The following TBC1D14 variants were observed in gnomAD, a reference collection of about 807,000 sequenced individuals.
TBC1D14 encodes TBC1 domain family, member 14.
Under a neutral mutation model 79.0 loss-of-function variants are expected in TBC1D14, and 26 were observed. That is an observed-to-expected ratio of 0.33 (90% CI 0.24 to 0.46). The LOEUF is 0.46. TBC1D14 is among the 20% of genes least tolerant of loss of function. The pLI, the probability that TBC1D14 is intolerant of heterozygous loss-of-function variation, is 1.00. For missense variants in TBC1D14, 769 were observed against 887.6 expected (o/e 0.87, Z 1.70); for synonymous variants, 394 against 349.9 (o/e 1.13, Z -1.40).
intron 3 of TBC1D14, among the ~76,000 whole-genome samples, chr4:6,980,960 C>G (rs1282997487): frequency 2.0e-5 from 3 of 151,864 alleles, no homozygotes. Flanking sequence ...TGTGATCCAC[C>G]CGCCTTGGCC....
chr4:7,031,489 C>G lies in TBC1D14; in HGVS notation c.*1097C>G, dbSNP rs1189767476. 1 of 152,260 alleles carries G rather than the reference C, an allele frequency of 6.6e-6. No individual in the cohort carries two copies. Among genetic ancestry groups the G allele is most frequent in the Non-Finnish European group, 1.5e-5 (1 of 68,052 alleles). The allele number at this position is 152,260 out of a possible 1,614,324, so 9.4% of individuals were successfully genotyped here. ...TCAGATGCTCATACTGGACCATCAG[C>G]CTCCCCATTTTAGCTGACTTTCCCA... On this transcript the variant is annotated 3_prime_UTR_variant, in exon 14 of 14. Coordinates refer to ENST00000409757, the MANE Select transcript of TBC1D14 (RefSeq NM_020773.3).
intron 13 of TBC1D14, among the ~76,000 whole-genome samples, chr4:7,028,085 C>T (rs574369956): frequency 1.3e-5 from 2 of 150,504 alleles, no homozygotes; most frequent in Admixed American, 1.3e-4. Context: ...CAGATCACCC[C>T]CCACATACAC....
At position 6,974,878 on chromosome 4, in the gene TBC1D14, TTG is replaced by T. The variant is rs1432968501; in HGVS notation, c.843+7460_843+7461del. On this transcript the variant is annotated intron_variant, in intron 3 of 13. Transcript: ENST00000409757. ...TAGGTTCAGATAGGATCGTCTTTTT[TTG>T]TGTGTCTGTTTTGTTTGTTTGTTTG... 6.6e-5 allele frequency among the ~76,000 whole-genome samples: 10 copies of T among 152,330 alleles called. No homozygotes were observed. The East Asian group carries it at 1.5e-3, about 23-fold the overall frequency.
intron 1 of TBC1D14, among the ~76,000 whole-genome samples, chr4:6,921,518 CTTTATTT>C (rs957533094): frequency 1.7e-4 from 26 of 151,936 alleles, no homozygotes; most frequent in African/African-American, 5.8e-4. Context: ...GGCCAGAGAA[CTTTATTT>C]TTTATTTTTT....
chr4:6,979,779 G>A (rs1394276864), intron 3 of TBC1D14, among the ~76,000 whole-genome samples: 1 of 152,062 alleles, frequency 6.6e-6, no homozygotes. Context: ...TAAAAATTAA[G>A]ATAGGTCTAT....
At chr4:6,916,587 C>G (rs192583149) in intron 1 of TBC1D14, among the ~76,000 whole-genome samples, 1 of 152,202 alleles carries the variant, frequency 6.6e-6, no homozygotes, top group African/African-American at 2.4e-5. Flanking sequence ...AGCCACCCTC[C>G]GCTTTCTGAC....
At chr4:6,930,165 G>A (rs574365186) in intron 2 of TBC1D14, among the ~76,000 whole-genome samples, 2 of 152,332 alleles carry the variant, frequency 1.3e-5, no homozygotes, top group South Asian at 2.1e-4. Context: ...AGCCGGGTCA[G>A]GGTCTAGCTG....
In TBC1D14 at chr4:7,028,056, A is replaced by G. The variant is rs552822057; in HGVS notation, c.2017-2271A>G. The stretch of plus-strand genomic sequence containing the variant: ...CACACATCACACACCTACACATTGC[A>G]TACCCACACACACACCTACAGATCA... On this transcript the variant is annotated intron_variant, in intron 13 of 13. Transcript: ENST00000409757. Among the ~76,000 whole-genome samples, 6 of 141,046 alleles carry G rather than the reference A, an allele frequency of 4.3e-5. No individual in the cohort carries two copies. In the East Asian group the frequency reaches 1.3e-3, roughly 31 times the overall value. The allele number at this position is 141,046 out of a possible 152,430, so 92.5% of individuals were successfully genotyped here. A position where few individuals can be genotyped will look rare whatever the true frequency, so the allele number is the denominator to read the frequency against.
intron 2 of TBC1D14, chr4:6,954,338 G>C (rs924942244): frequency 2.8e-6 from 2 of 717,422 alleles, no homozygotes; most frequent in African/African-American, 1.7e-5. Flanking sequence ...TTCATGGACA[G>C]GTTTGTGGCT....
intron 12 of TBC1D14, among the ~76,000 whole-genome samples, chr4:7,024,272 AG>A (rs1216588835): frequency 2.0e-5 from 3 of 152,194 alleles, no homozygotes; most frequent in Non-Finnish European, 4.4e-5. Context: ...CCTGCAGTTC[AG>A]GGGCTTTGTG....
intron 3 of TBC1D14, among the ~76,000 whole-genome samples, chr4:6,978,133 C>T (rs1484465587): frequency 8.7e-5 from 13 of 150,030 alleles, no homozygotes; most frequent in African/African-American, 1.7e-4. Context: ...GTCAGCCCCC[C>T]GCCCGGCTAG....
At chr4:6,957,947 C>T (rs1560281605) in intron 2 of TBC1D14, among the ~76,000 whole-genome samples, 1 of 147,422 alleles carries the variant, frequency 6.8e-6, no homozygotes. Context: ...GGAGTGCTGG[C>T]TTTTTTTTTT....
intron 2 of TBC1D14, among the ~76,000 whole-genome samples, chr4:6,947,681 C>T (rs1256701977): frequency 1.4e-5 from 2 of 139,994 alleles, no homozygotes; most frequent in Admixed American, 7.3e-5. Flanking sequence ...AAAAAAAAAT[C>T]TAAGCTGATG....
intron 1 of TBC1D14, among the ~76,000 whole-genome samples, chr4:6,914,963 C>T (rs991737886): frequency 2.6e-5 from 4 of 152,102 alleles, no homozygotes; most frequent in Admixed American, 6.5e-5. Context: ...CGCTTGAACC[C>T]GGGAGGCGGA....
At chr4:6,977,562 G>C (rs1489415484) in intron 3 of TBC1D14, among the ~76,000 whole-genome samples, 1 of 150,284 alleles carries the variant, frequency 6.7e-6, no homozygotes, top group East Asian at 2.0e-4. Flanking sequence ...GAAGTGAGGA[G>C]CGTCTCTGCC....
At chr4:6,941,599 G>T (rs774300215) in intron 2 of TBC1D14, among the ~76,000 whole-genome samples, 6 of 151,950 alleles carry the variant, frequency 3.9e-5, no homozygotes, top group Admixed American at 6.6e-5. Context: ...CAGGAATGGC[G>T]TGAACTGAAC....
At chr4:6,962,829 C>T (rs528758210) in intron 2 of TBC1D14, among the ~76,000 whole-genome samples, 6 of 152,328 alleles carry the variant, frequency 3.9e-5, no homozygotes, top group East Asian at 1.9e-4. Flanking sequence ...GTTGCACTCC[C>T]GTTACCTGAC....
At chr4:7,023,214 C>T (rs1722006197) in intron 12 of TBC1D14, among the ~76,000 whole-genome samples, 1 of 152,154 alleles carries the variant, frequency 6.6e-6, no homozygotes, top group Non-Finnish European at 1.5e-5. Context: ...AATCGCACCA[C>T]TACTGCACTC....
At chr4:6,916,019 G>A (rs9291120) in intron 1 of TBC1D14, among the ~76,000 whole-genome samples, 1,562 of 151,932 alleles carry the variant, frequency 0.01, 27 homozygotes, top group African/African-American at 0.035. Context: ...CCAGCTACTC[G>A]GGAGGCTAAG....
Sources: allele counts gnomAD v4.1 joint callset (sites outside exome capture counted in the v4.1 genomes callset), GRCh38; gene constraint gnomAD v4.1.1; transcripts MANE v1.5; gene names NCBI Gene and HGNC (gene_info 2026-07-23, HGNC 2026-07-21).